The following SMG6 variants were observed in gnomAD, a reference collection of about 807,000 sequenced individuals.
The protein encoded by SMG6 is telomerase-binding protein EST1A.
SMG6 carries 66 observed loss-of-function variants against 142.2 expected under a neutral mutation model. The ratio of observed to expected loss-of-function variants is 0.46; its 90% CI spans 0.38 to 0.57. The LOEUF (loss-of-function observed/expected upper bound fraction) is 0.57, where lower values mean the gene tolerates loss of function less well. Ranked by LOEUF, SMG6 falls within the 20% of genes least tolerant of loss-of-function variation. The pLI is 0.00. For missense variants in SMG6, 1,793 were observed against 1,832.0 expected (o/e 0.98, Z 0.39); for synonymous variants, 779 against 702.4 (o/e 1.11, Z -1.72).
intron 10 of SMG6, among the ~76,000 whole-genome samples, chr17:2,189,057 C>CTT (rs2072081856): frequency 6.6e-6 from 1 of 152,208 alleles, no homozygotes; most frequent in Non-Finnish European, 1.5e-5. Context: ...CCTAAGAAAA[C>CTT]ACACATGACA....
chr17:2,080,342 C>T lies in SMG6; in HGVS notation c.3681+1468G>A, dbSNP rs192829926. On this transcript the variant is annotated intron_variant, in intron 15 of 18. Coordinates refer to ENST00000263073, the MANE Select transcript of SMG6 (RefSeq NM_017575.5). Reference sequence around the variant, plus strand: ...CTGAGGCAAGAGAATCGCTGGAACCCGGGAGGTGGAGGTTGGAGTGAGCTG... The same window carrying T: ...CTGAGGCAAGAGAATCGCTGGAACCTGGGAGGTGGAGGTTGGAGTGAGCTG... Among the ~76,000 whole-genome samples, 903 of 152,120 alleles carry T rather than the reference C, an allele frequency of 5.9e-3. 25 individuals are homozygous for T. Among genetic ancestry groups the T allele is most frequent in the Admixed American group, 0.053 (814 of 15,280 alleles).
intron 13 of SMG6, among the ~76,000 whole-genome samples, chr17:2,158,308 C>CTA (rs2071068906): frequency 6.6e-6 from 1 of 151,786 alleles, no homozygotes; most frequent in Non-Finnish European, 1.5e-5. Flanking sequence ...AACAGTTTAT[C>CTA]ATTATTCTCT....
intron 13 of SMG6, among the ~76,000 whole-genome samples, chr17:2,099,624 T>C (rs1409725775): frequency 1.3e-5 from 2 of 152,086 alleles, no homozygotes; most frequent in East Asian, 3.9e-4. Flanking sequence ...GTTTCTGGAG[T>C]CCTGAATCAC....
At chr17:2,288,028 G>A (rs1346294172) in intron 6 of SMG6, among the ~76,000 whole-genome samples, 1 of 152,198 alleles carries the variant, frequency 6.6e-6, no homozygotes, top group African/African-American at 2.4e-5. Context: ...AAATGGGTAA[G>A]ACAGGCAGGG....
chr17:2,198,508 C>A (rs940222533), intron 10 of SMG6, among the ~76,000 whole-genome samples: 1 of 152,142 alleles, frequency 6.6e-6, no homozygotes, highest in Non-Finnish European at 1.5e-5. Flanking sequence ...CTTGTGAAAT[C>A]TGATTAAAGT....
Position 2,061,543 on chromosome 17 carries a change from A to G in SMG6, c.4209T>C (p.Asn1403=), listed in dbSNP as rs1453906346. The change falls in exon 19 of 19, where the codon AAT becomes AAC. Residue 1403 remains asparagine (N), a synonymous_variant. Coordinates refer to ENST00000263073, the MANE Select transcript of SMG6 (RefSeq NM_017575.5). The part of the protein sequence containing the change: ...RNLRVKALTR[N]VPVRDIPAFL... ...AGGCTGGGATGTCCCGTACAGGAAC[A>G]TTCCTTGTGAGCGCCTTCACACGCA... 4 of 1,574,998 alleles carry G rather than the reference A, an allele frequency of 2.5e-6. No individual in the cohort carries two copies. Among genetic ancestry groups the G allele is most frequent in the Non-Finnish European group, 3.4e-6 (4 of 1,159,866 alleles).
chr17:2,116,209 A>AT (rs1267118799), intron 13 of SMG6, among the ~76,000 whole-genome samples: 1 of 151,964 alleles, frequency 6.6e-6, no homozygotes, highest in Non-Finnish European at 1.5e-5. Context: ...TAGTTGGTAC[A>AT]TATGGGTATG....
chr17:2,064,804 G>C (rs978081988), intron 18 of SMG6, among the ~76,000 whole-genome samples: 2 of 152,004 alleles, frequency 1.3e-5, no homozygotes, highest in African/African-American at 4.8e-5. Flanking sequence ...GAAAGGAAAC[G>C]GATGCATGCG....
chr17:2,196,702 T>C (rs2072339097), intron 10 of SMG6, among the ~76,000 whole-genome samples: 1 of 152,048 alleles, frequency 6.6e-6, no homozygotes, highest in African/African-American at 2.4e-5. Context: ...TGAAAAAGAA[T>C]AAAGCGGGAG....
At chr17:2,290,936 G>C (rs1469025833) in intron 6 of SMG6, among the ~76,000 whole-genome samples, 1 of 152,134 alleles carries the variant, frequency 6.6e-6, no homozygotes, top group African/African-American at 2.4e-5. Flanking sequence ...TCCAGAACAG[G>C]TAAAGATACA....
chr17:2,278,655 C>T (rs915919232), intron 8 of SMG6, among the ~76,000 whole-genome samples: 1 of 152,038 alleles, frequency 6.6e-6, no homozygotes, highest in African/African-American at 2.4e-5. Flanking sequence ...TTATATCATC[C>T]CTCTGCTTAA....
At chr17:2,237,883 C>T (rs571858837) in intron 9 of SMG6, among the ~76,000 whole-genome samples, 2 of 152,328 alleles carry the variant, frequency 1.3e-5, no homozygotes, top group South Asian at 2.1e-4. Context: ...AATTCGTGGT[C>T]ACCAAAGTAT....
At chr17:2,255,027 T>C (rs1488449937) in intron 8 of SMG6, among the ~76,000 whole-genome samples, 1 of 152,098 alleles carries the variant, frequency 6.6e-6, no homozygotes, top group Non-Finnish European at 1.5e-5. Context: ...AGTGGTACAT[T>C]GTAGACTGGC....
intron 18 of SMG6, among the ~76,000 whole-genome samples, chr17:2,063,878 C>T (rs1008732833): frequency 2.0e-5 from 3 of 152,116 alleles, no homozygotes; most frequent in African/African-American, 7.2e-5. Flanking sequence ...TACTGAGCTG[C>T]CGGGGACAGA....
chr17:2,213,221 G>A (rs936970049), intron 10 of SMG6, among the ~76,000 whole-genome samples: 1 of 152,222 alleles, frequency 6.6e-6, no homozygotes, highest in Non-Finnish European at 1.5e-5. Context: ...GCTCTGCTGA[G>A]TGCCAAAGCA....
intron 8 of SMG6, among the ~76,000 whole-genome samples, chr17:2,264,824 C>G (rs1348138680): frequency 1.3e-5 from 2 of 151,870 alleles, no homozygotes; most frequent in Non-Finnish European, 2.9e-5. Context: ...ATTGCTTGAG[C>G]CCAGGAGGCG....
intron 10 of SMG6, among the ~76,000 whole-genome samples, chr17:2,226,211 G>A (rs2073312446): frequency 6.6e-6 from 1 of 151,162 alleles, no homozygotes. Flanking sequence ...AGAGACAGAG[G>A]TTGCAGTGAG....
chr17:2,294,226 C>G (rs1265297498), intron 4 of SMG6, among the ~76,000 whole-genome samples: 9 of 152,184 alleles, frequency 5.9e-5, no homozygotes, highest in African/African-American at 2.2e-4. Context: ...ATCACATACC[C>G]CAAGTCCTAA....
At chr17:2,121,464 G>C (rs2069685961) in intron 13 of SMG6, among the ~76,000 whole-genome samples, 2 of 152,042 alleles carry the variant, frequency 1.3e-5, no homozygotes, top group African/African-American at 4.8e-5. Context: ...TCTAATCTTG[G>C]TGGAAAAAAT....
Sources: allele counts gnomAD v4.1 joint callset (sites outside exome capture counted in the v4.1 genomes callset), GRCh38; gene constraint gnomAD v4.1.1; transcripts MANE v1.5; gene names NCBI Gene and HGNC (gene_info 2026-07-23, HGNC 2026-07-21).